ITGA6: variants seen among roughly 807,000 people sequenced by gnomAD.
ITGA6 encodes the protein integrin subunit alpha 6.
Under a neutral mutation model 133.6 loss-of-function variants are expected in ITGA6, and 63 were observed. The ratio of observed to expected loss-of-function variants is 0.47; its 90% CI spans 0.38 to 0.58. The LOEUF is 0.58. ITGA6 is among the 20% of genes least tolerant of loss of function. The pLI is 0.00. For missense variants in ITGA6, 1,068 were observed against 1,309.4 expected, an observed-to-expected ratio of 0.82 and a Z score of 2.85; for synonymous variants, 434 against 482.0, an observed-to-expected ratio of 0.90 and a Z score of 1.30.
chr2:172,493,150 C>T (rs10168348), intron 23 of ITGA6, among the ~76,000 whole-genome samples: 3,902 of 152,156 alleles, frequency 0.026, 134 homozygotes, highest in African/African-American at 0.085. Context: ...TCAAGCAATC[C>T]GCCTGCCTCA....
Position 172,489,551 on chromosome 2 carries a change from G to T in ITGA6, c.2572G>T (p.Glu858Ter). Residue 858 changes from glutamate to a stop codon, truncating the protein, a stop_gained, in exon 20 of 26, where the codon GAA (glutamate) becomes TAA (stop). Coordinates refer to ENST00000684293, the MANE Select transcript of ITGA6 (RefSeq NM_000210.4). LOFTEE classifies it high-confidence loss of function. ...TATLNIQWPK[E>*]ISNGKWLLYL... ...AACCTTGAACATTCAGTGGCCAAAAGAAATTAGCAATGGGAAATGGTTGCT... is the reference window on the plus strand; with the variant it reads ...AACCTTGAACATTCAGTGGCCAAAATAAATTAGCAATGGGAAATGGTTGCT... 2 of 1,614,040 alleles carry T rather than the reference G, an allele frequency of 1.2e-6. No homozygotes were observed. The highest frequency in any genetic ancestry group is 1.1e-5 in the South Asian group (1 of 91,086).
At chr2:172,434,597 C>CT (rs1447546280) in intron 1 of ITGA6, among the ~76,000 whole-genome samples, 3 of 152,056 alleles carry the variant, frequency 2.0e-5, no homozygotes, top group African/African-American at 7.2e-5. Context: ...AACTAAGTCT[C>CT]TAAAACCAAT....
At chr2:172,430,143 A>T (rs986630681) in intron 1 of ITGA6, among the ~76,000 whole-genome samples, 6 of 152,168 alleles carry the variant, frequency 3.9e-5, no homozygotes, top group African/African-American at 1.2e-4. Context: ...TAATTTCTTT[A>T]TCTGTAAAAT....
At chr2:172,470,686 T>G (rs1278920057) in intron 4 of ITGA6, among the ~76,000 whole-genome samples, 1 of 152,224 alleles carries the variant, frequency 6.6e-6, no homozygotes, top group African/African-American at 2.4e-5. Flanking sequence ...CTCTGTAGAT[T>G]TTGTTAACTA....
intron 1 of ITGA6, among the ~76,000 whole-genome samples, chr2:172,460,394 A>G (rs12616256): frequency 0.22 from 33,862 of 152,168 alleles, 4,019 homozygotes; most frequent in East Asian, 0.29. Context: ...GTTGAAGGGA[A>G]AATAGAGGTT....
At chr2:172,443,598 C>T (rs1684630396) in intron 1 of ITGA6, among the ~76,000 whole-genome samples, 1 of 152,160 alleles carries the variant, frequency 6.6e-6, no homozygotes, top group South Asian at 2.1e-4. Context: ...ATCGAGTTTC[C>T]AGCCTTATGC....
At position 172,505,446 on chromosome 2, in the gene ITGA6, C is replaced by T. The variant is rs957771735; in HGVS notation, c.*1378C>T. 1 of 152,118 alleles carries T rather than the reference C, an allele frequency of 6.6e-6. No individual in the cohort carries two copies. Among genetic ancestry groups the T allele is most frequent in the African/African-American group, 2.4e-5 (1 of 41,406 alleles). The allele number at this position is 152,118 out of a possible 1,614,324, so 9.4% of individuals were successfully genotyped here. On this transcript the variant is annotated 3_prime_UTR_variant, in exon 26 of 26. Coordinates refer to ENST00000684293, the MANE Select transcript of ITGA6 (RefSeq NM_000210.4). ...TTCTATTTTTTGTTTTGTTTCCTCC[C>T]CTATCTGTATTCCCAAAAATTACTT... is the stretch of plus-strand genomic sequence containing the variant.
In ITGA6 at chr2:172,488,035, C is replaced by T. The variant is rs755358939; in HGVS notation, c.2399C>T (p.Ser800Leu). ...GTTATTGAACTGCTTTTATCGGTCT[C>T]GGGGTAAGTGTTTGTGTTTAGCATA... Reference protein sequence around the residue: ...KVVIELLLSVSGVAKPSQVYF... With the variant: ...KVVIELLLSVLGVAKPSQVYF... The change falls in exon 18 of 26, where the codon TCG becomes TTG. Residue 800 changes from serine (S) to leucine (L), a missense_variant. Around this residue, in one of 3 missense-constraint regions of ITGA6, gnomAD observed 609 missense variants for 707.2 expected, o/e 0.86. Transcript: ENST00000684293. The T allele has an allele frequency of 3.1e-6, 5 of 1,613,670 alleles. No homozygotes were observed. The highest frequency in any genetic ancestry group is 2.2e-5 in the East Asian group (1 of 44,856).
intron 23 of ITGA6, among the ~76,000 whole-genome samples, chr2:172,497,342 A>T (rs79339146): frequency 0.024 from 3,585 of 152,086 alleles, 145 homozygotes; most frequent in African/African-American, 0.081. Context: ...AAAAATTTTT[A>T]AAAAAATTAG....
In ITGA6 at chr2:172,475,024, G is replaced by A. The variant is rs762264906; in HGVS notation, c.1082G>A (p.Trp361Ter). The A allele has an allele frequency of 6.3e-7, 1 of 1,599,676 alleles. No individual in the cohort carries two copies. The highest frequency in any genetic ancestry group is 1.1e-5 in the South Asian group (1 of 90,816). ...VYVYMNQQGR[W>*]NNVKPIRLNG... ...GTCTACATGAACCAGCAAGGCAGATGGAATAATGTGAAGCCAATTCGTCTT... is the reference window on the plus strand; with the variant it reads ...GTCTACATGAACCAGCAAGGCAGATAGAATAATGTGAAGCCAATTCGTCTT... Residue 361 changes from tryptophan (W) to a stop codon, truncating the protein, a stop_gained, in exon 7 of 26, where the codon TGG becomes TAG. Transcript: ENST00000684293. LOFTEE classifies it high-confidence loss of function.
intron 1 of ITGA6, among the ~76,000 whole-genome samples, chr2:172,438,709 T>G (rs1216103075): frequency 6.6e-6 from 1 of 151,734 alleles, no homozygotes; most frequent in Non-Finnish European, 1.5e-5. Flanking sequence ...TCCCTTAAAG[T>G]AAAATATGAA....
intron 13 of ITGA6, among the ~76,000 whole-genome samples, chr2:172,486,176 C>CAAAAAAAAAAAAAAAAA (rs67271824): frequency 1.3e-5 from 1 of 77,334 alleles, no homozygotes; most frequent in East Asian, 6.3e-4. Flanking sequence ...ACTCTATCTC[C>CAAAAAAAAAAAAAAAAA]AAAAAAAAAA....
chr2:172,460,569 G>T (rs1366008457), intron 1 of ITGA6, among the ~76,000 whole-genome samples: 3 of 152,212 alleles, frequency 2.0e-5, no homozygotes, highest in African/African-American at 7.2e-5. Context: ...TTATGGAGAA[G>T]TAAATCCAGA....
intron 12 of ITGA6, 24 bp from the exon 13 acceptor site, chr2:172,485,097 T>C (rs991075512): frequency 6.2e-7 from 1 of 1,613,392 alleles, no homozygotes; most frequent in Non-Finnish European, 8.5e-7. Context: ...CCCACTTAAC[T>C]CTGACTGCAT....
chr2:172,490,179 T>C (rs914676690), intron 20 of ITGA6, among the ~76,000 whole-genome samples: 1 of 152,244 alleles, frequency 6.6e-6, no homozygotes, highest in Non-Finnish European at 1.5e-5. Flanking sequence ...GATGGTCCTA[T>C]GAGGGCGTTT....
chr2:172,506,413 C>CTTCT lies in ITGA6; in HGVS notation c.*2348_*2351dup, dbSNP rs1687565544. 6.6e-6 allele frequency: 1 copy of CTTCT among 152,038 alleles called. No individual in the cohort carries two copies. Among genetic ancestry groups the CTTCT allele is most frequent in the African/African-American group, 2.4e-5 (1 of 41,402 alleles). 9.4% of individuals were successfully genotyped at this position (152,038 alleles called of 1,614,324 possible). ...GGTGATCCTCAAGTCTTTCATTTTC[C>CTTCT]TTCTTTATGATTAAAAGAAACCTAC... On this transcript the variant is annotated 3_prime_UTR_variant, in exon 26 of 26. Coordinates refer to ENST00000684293, the MANE Select transcript of ITGA6 (RefSeq NM_000210.4).
chr2:172,495,929 G>A (rs1687109048), intron 23 of ITGA6, among the ~76,000 whole-genome samples: 2 of 152,134 alleles, frequency 1.3e-5, no homozygotes, highest in African/African-American at 4.8e-5. Flanking sequence ...TCTCCTTGCC[G>A]AAGACCAGTT....
At chr2:172,472,812 G>T in intron 5 of ITGA6, 1 of 1,612,574 alleles carries the variant, frequency 6.2e-7, no homozygotes, top group South Asian at 1.1e-5. Context: ...TACAGATCCT[G>T]ATCAGTTTGT....
chr2:172,465,401 T>C (rs1045811090), intron 1 of ITGA6, 138 bp from the exon 2 acceptor site: 10 of 1,027,202 alleles, frequency 9.7e-6, no homozygotes, highest in African/African-American at 9.4e-5. Context: ...ACATTTGTTC[T>C]CACTCACTGC....
Sources: gnomAD v4.1 joint callset for allele counts (sites outside exome capture counted in the v4.1 genomes callset) on GRCh38, gnomAD v4.1.1 for gene constraint, gnomAD v4.1.1 regional missense constraint, MANE v1.5 for transcripts, NCBI Gene and HGNC (gene_info 2026-07-23, HGNC 2026-07-21) for gene names.